XPO6: variants seen among roughly 807,000 people sequenced by gnomAD.
The protein encoded by XPO6 is exportin-6.
In XPO6, 3 loss-of-function variants were observed where a neutral mutation model predicts 130.0. That is an observed-to-expected ratio of 0.02 (90% CI 0.01 to 0.06). The LOEUF is 0.06. Among genes scored for constraint, XPO6 ranks in the 10% least tolerant of loss-of-function variants. XPO6 has a pLI of 1.00. For missense variants in XPO6, 970 were observed against 1,393.0 expected, an observed-to-expected ratio of 0.70 and a Z score of 4.83; for synonymous variants, 524 against 548.9, an observed-to-expected ratio of 0.95 and a Z score of 0.63.
intron 16 of XPO6, among the ~76,000 whole-genome samples, 169 bp downstream of exon 16, chr16:28,112,735 C>T (rs1419420801): frequency 1.3e-5 from 2 of 152,234 alleles, no homozygotes; most frequent in African/African-American, 2.4e-5. Context: ...AGAATGGGCA[C>T]GATGAGAATC....
intron 1 of XPO6, among the ~76,000 whole-genome samples, chr16:28,186,040 T>C (rs2043686447): frequency 6.6e-6 from 1 of 152,224 alleles, no homozygotes; most frequent in South Asian, 2.1e-4. Context: ...GACTCATTTA[T>C]TAAGGGACTA....
At chr16:28,134,004 T>C (rs1441865138) in intron 10 of XPO6, 71 bp from the exon 11 acceptor site, 6 of 1,456,430 alleles carry the variant, frequency 4.1e-6, no homozygotes, top group African/African-American at 1.4e-5. Context: ...TCAAGACCAC[T>C]CTCAGACATA....
intron 8 of XPO6, among the ~76,000 whole-genome samples, chr16:28,146,634 G>A (rs1473261657): frequency 6.6e-6 from 1 of 152,092 alleles, no homozygotes; most frequent in Admixed American, 6.6e-5. Flanking sequence ...AAACCATTAC[G>A]AAAGCAAAAA....
intron 1 of XPO6, 189 bp from the exon 2 acceptor site, chr16:28,181,220 G>T (rs2043609367): frequency 2.0e-6 from 1 of 499,362 alleles, no homozygotes; most frequent in East Asian, 3.4e-5. Context: ...AAAACCCAAC[G>T]TTGTTGTTGC....
chr16:28,167,299 C>T (rs2141846385), intron 5 of XPO6: 1 of 985,432 alleles, frequency 1.0e-6, no homozygotes, highest in African/African-American at 1.7e-5. Context: ...ACTTTTCGTT[C>T]CCCACAAACC....
intron 7 of XPO6, chr16:28,155,828 T>G: frequency 1.1e-6 from 1 of 946,822 alleles, no homozygotes; most frequent in Admixed American, 3.9e-5. Context: ...GGACAGGAGA[T>G]GGATGGGGAG....
At chr16:28,125,397 C>G (rs977499517) in intron 13 of XPO6, among the ~76,000 whole-genome samples, 2 of 152,230 alleles carry the variant, frequency 1.3e-5, no homozygotes, top group African/African-American at 4.8e-5. Flanking sequence ...GAAACAATAC[C>G]TTAAATAACT....
chr16:28,177,713 G>T (rs117711481), intron 2 of XPO6, among the ~76,000 whole-genome samples: 1 of 152,048 alleles, frequency 6.6e-6, no homozygotes, highest in African/African-American at 2.4e-5. Flanking sequence ...CTAGGGCCTC[G>T]CCATTCCTCT....
chr16:28,110,721 A>G (rs2086897937), intron 17 of XPO6, among the ~76,000 whole-genome samples: 3 of 152,230 alleles, frequency 2.0e-5, no homozygotes, highest in Admixed American at 2.0e-4. Context: ...CTAATCATCA[A>G]TCAAGATCCT....
intron 17 of XPO6, 86 bp from the exon 18 acceptor site, chr16:28,107,763 GCAAAGGTAC>G (rs750418172): frequency 6.8e-7 from 1 of 1,467,384 alleles, no homozygotes; most frequent in Non-Finnish European, 9.4e-7. Flanking sequence ...GAGGAAACTT[GCAAAGGTAC>G]CAAGAAGATG....
Position 28,180,966 on chromosome 16 carries a change from T to G in XPO6, c.69A>C (p.Thr23=). ...SLMTEFFHDC[T]TNERKREIEE... The stretch of plus-strand genomic sequence containing the variant: ...CTATCTCACGTTTTCTTTCATTGGT[T>G]GTACAATCGTGAAAAAATTCTGTCA... The change falls in exon 2 of 24, where the codon ACA becomes ACC. Residue 23 remains threonine, a synonymous_variant. Transcript: ENST00000304658. 6.2e-7 allele frequency: 1 copy of G among 1,613,790 alleles called. No homozygotes were observed. Among genetic ancestry groups the G allele is most frequent in the Non-Finnish European group, 8.5e-7 (1 of 1,179,922 alleles).
chr16:28,104,791 C>A (rs1330169624), intron 20 of XPO6, 84 bp from the exon 21 acceptor site: 5 of 1,492,802 alleles, frequency 3.3e-6, no homozygotes, highest in Non-Finnish European at 4.5e-6. Context: ...GCCTAGGAGA[C>A]GCCTCGTGAC....
chr16:28,156,429 G>C lies in XPO6; in HGVS notation c.742C>G (p.Leu248Val). 5.6e-6 allele frequency: 9 copies of C among 1,614,028 alleles called. No individual in the cohort carries two copies. The highest frequency in any genetic ancestry group is 7.6e-6 in the Non-Finnish European group (9 of 1,179,986). Reference sequence around the variant, plus strand: ...AGATGGGCCAGGCACTCCAAAGCCAGGGAACAGATATACTCACTCTCCACA... The same window carrying C: ...AGATGGGCCAGGCACTCCAAAGCCACGGAACAGATATACTCACTCTCCACA... ...LDVESEYICS[L>V]ALECLAHLFS... Residue 248 changes from leucine to valine, a missense_variant, in exon 7 of 24, where the codon CTG becomes GTG. Leu to Val is a conservative substitution (Grantham distance 32). This residue lies in a region of XPO6 where 936 missense variants were observed against 1,306.8 expected (regional missense o/e 0.72). Coordinates refer to ENST00000304658, the MANE Select transcript of XPO6 (RefSeq NM_015171.4).
chr16:28,122,311 G>A (rs532449519), intron 13 of XPO6, among the ~76,000 whole-genome samples: 1 of 152,128 alleles, frequency 6.6e-6, no homozygotes, highest in South Asian at 2.1e-4. Context: ...TTATAAATGA[G>A]GAGAATAAAA....
chr16:28,109,779 T>C (rs533267798), intron 17 of XPO6, among the ~76,000 whole-genome samples: 1 of 152,354 alleles, frequency 6.6e-6, no homozygotes, highest in South Asian at 2.1e-4. Flanking sequence ...AAGAACAATT[T>C]GGTAACAACT....
chr16:28,098,295 G>T lies in XPO6; in HGVS notation c.*243C>A. ...GATTTCCTGGTGCCTCCTAGTACCT[G>T]GCCACACACCCCTCCGCCTGCTCCA... is the stretch of plus-strand genomic sequence containing the variant. On this transcript the variant is annotated 3_prime_UTR_variant, in exon 24 of 24. Coordinates refer to ENST00000304658, the MANE Select transcript of XPO6 (RefSeq NM_015171.4). 1 of 439,018 alleles carries T rather than the reference G, an allele frequency of 2.3e-6. No individual in the cohort carries two copies. The highest frequency in any genetic ancestry group is 3.8e-5 in the East Asian group (1 of 26,088). The allele number at this position is 439,018 out of a possible 1,614,324, so 27.2% of individuals were successfully genotyped here.
chr16:28,113,054 C>T lies in XPO6; in HGVS notation c.2005-4G>A. 4.3e-6 allele frequency: 7 copies of T among 1,613,070 alleles called. No individual in the cohort carries two copies. The highest frequency in any genetic ancestry group is 5.9e-6 in the Non-Finnish European group (7 of 1,179,404). On this transcript the variant is annotated splice_region_variant and splice_polypyrimidine_tract_variant and intron_variant, in intron 15 of 23. Coordinates refer to ENST00000304658, the MANE Select transcript of XPO6 (RefSeq NM_015171.4). ...ATAGCAGCAGCTTGTCTTGGACCTG[C>T]AGAGGGAAGAGGGCACGTCAGCTCA...
chr16:28,157,556 T>C (rs2043203492), intron 6 of XPO6, among the ~76,000 whole-genome samples: 1 of 152,216 alleles, frequency 6.6e-6, no homozygotes, highest in South Asian at 2.1e-4. Flanking sequence ...ATATTCACAA[T>C]TTCTAACATC....
In XPO6 at chr16:28,157,969, C is replaced by G. The variant is rs139877049; in HGVS notation, c.644-1442G>C. Among the ~76,000 whole-genome samples, 713 of 152,318 alleles carry G rather than the reference C, an allele frequency of 4.7e-3. 4 individuals carry two copies. Among genetic ancestry groups the G allele is most frequent in the African/African-American group, 0.016 (662 of 41,572 alleles). On this transcript the variant is annotated intron_variant, in intron 6 of 23. Coordinates refer to ENST00000304658, the MANE Select transcript of XPO6 (RefSeq NM_015171.4). ...CGTGAGGGGGAGAGCTGGAGGCAGT[C>G]TGGCCTCCTCCTTGGCGGGAGAGGA... is the stretch of plus-strand genomic sequence containing the variant.
Sources: gnomAD v4.1 joint callset for allele counts (sites outside exome capture counted in the v4.1 genomes callset) on GRCh38, gnomAD v4.1.1 for gene constraint, gnomAD v4.1.1 regional missense constraint, MANE v1.5 for transcripts, NCBI Gene and HGNC (gene_info 2026-07-23, HGNC 2026-07-21) for gene names.